PCDHGA10: variants seen among roughly 807,000 people sequenced by gnomAD.
PCDHGA10 encodes the protein protocadherin gamma subfamily A, 10, also known as protocadherin gamma-A10.
Under a neutral mutation model 59.5 loss-of-function variants are expected in PCDHGA10, and 42 were observed. That is an observed-to-expected ratio of 0.71 (90% CI 0.55 to 0.91). PCDHGA10 has a LOEUF of 0.91. Ranked by LOEUF, PCDHGA10 falls within the 40% of genes least tolerant of loss-of-function variation. The pLI, the probability that PCDHGA10 is intolerant of heterozygous loss-of-function variation, is 0.00. For synonymous variants in PCDHGA10, 511 were observed against 517.2 expected (o/e 0.99, Z 0.16); for missense variants, 1,111 against 1,198.2 (o/e 0.93, Z 1.07).
intron 1 of PCDHGA10, among the ~76,000 whole-genome samples, chr5:141,482,799 C>T (rs933003208): frequency 6.6e-6 from 1 of 152,086 alleles, no homozygotes; most frequent in Non-Finnish European, 1.5e-5. Flanking sequence ...TGGCCGGGTA[C>T]GGTGGCTCAT....
chr5:141,433,220 T>A (rs781745522), intron 1 of PCDHGA10: 2 of 1,509,720 alleles, frequency 1.3e-6, no homozygotes, highest in Non-Finnish European at 1.8e-6. Flanking sequence ...TTTTTTTTTT[T>A]AATTGCTCTG....
In PCDHGA10 at chr5:141,510,976, G is replaced by A. The variant is rs752758180; in HGVS notation, c.2614G>A (p.Gly872Arg). The change falls in exon 4 of 4, where the codon GGG (glycine) becomes AGG (arginine). Residue 872 changes from glycine to arginine, a missense_variant. Gly to Arg is a moderately radical substitution (Grantham distance 125, BLOSUM62 -2). Transcript: ENST00000398610. ...EAADGSSTLG[G>R]GAGTMGLSAR... ...TGCTGATGGGAGCTCCACCCTGGGA[G>A]GGGGTGCCGGCACCATGGGATTGAG... The A allele has an allele frequency of 5.0e-6, 8 of 1,614,046 alleles. No individual in the cohort carries two copies. The highest frequency in any genetic ancestry group is 6.8e-6 in the Non-Finnish European group (8 of 1,180,022).
At chr5:141,506,863 G>A (rs1162975959) in intron 3 of PCDHGA10, among the ~76,000 whole-genome samples, 1 of 152,120 alleles carries the variant, frequency 6.6e-6, no homozygotes, top group Non-Finnish European at 1.5e-5. Context: ...GAGGACTGGT[G>A]GGTAGAGAAC....
In PCDHGA10 at chr5:141,489,663, C is replaced by T. The variant is rs1183544696; in HGVS notation, c.2437-5144C>T. The T allele has an allele frequency of 1.9e-6, 3 of 1,614,048 alleles. No individual in the cohort carries two copies. The highest frequency in any genetic ancestry group is 2.2e-5 in the South Asian group (2 of 91,094). ...TTGCCACCCCTGAGCGAGAGATGCGCATCTCAGAATCAGCAGCATCTGGGG... is the reference window on the plus strand; with the variant it reads ...TTGCCACCCCTGAGCGAGAGATGCGTATCTCAGAATCAGCAGCATCTGGGG... On this transcript the variant is annotated intron_variant, in intron 1 of 3. Coordinates refer to ENST00000398610, the MANE Select transcript of PCDHGA10 (RefSeq NM_018913.3). This position sits in a 1 kb window ranked among gnomAD's most constrained non-coding sequence, Gnocchi z 4.5.
intron 1 of PCDHGA10, chr5:141,421,424 G>A: frequency 6.2e-7 from 1 of 1,614,092 alleles, no homozygotes. Context: ...CGCGGAGTCC[G>A]CATCGTCTCC....
chr5:141,462,393 C>A (rs1465154354), intron 1 of PCDHGA10, among the ~76,000 whole-genome samples: 4 of 152,062 alleles, frequency 2.6e-5, no homozygotes, highest in African/African-American at 9.7e-5. Flanking sequence ...GTTAACATTT[C>A]TTTTATGGCA....
intron 2 of PCDHGA10, among the ~76,000 whole-genome samples, chr5:141,503,518 G>A (rs576791899): frequency 6.7e-6 from 1 of 149,524 alleles, no homozygotes; most frequent in East Asian, 2.0e-4. Flanking sequence ...AGAATCACTT[G>A]AACCTGGGAG....
At chr5:141,429,387 T>TTA (rs775632416) in intron 1 of PCDHGA10, among the ~76,000 whole-genome samples, 40 of 151,448 alleles carry the variant, frequency 2.6e-4, no homozygotes, top group African/African-American at 7.0e-4. Context: ...GTTTTTTTTT[T>TTA]AAAAAAAATT....
chr5:141,484,715 G>A (rs576646182), intron 1 of PCDHGA10, among the ~76,000 whole-genome samples: 1 of 152,130 alleles, frequency 6.6e-6, no homozygotes, highest in African/African-American at 2.4e-5. Context: ...CCGCCGAAAA[G>A]GGGCGGGGTC....
At chr5:141,498,964 G>A (rs1342764380) in intron 2 of PCDHGA10, among the ~76,000 whole-genome samples, 2 of 127,572 alleles carry the variant, frequency 1.6e-5, no homozygotes, top group Admixed American at 8.7e-5. Context: ...AGAGAGGGAG[G>A]GAGGGAGGGA....
At chr5:141,507,432 C>T (rs2099860585) in intron 3 of PCDHGA10, 1 of 152,198 alleles carries the variant, frequency 6.6e-6, no homozygotes. Flanking sequence ...GGGGCCAGGC[C>T]TACAGCTGAC....
chr5:141,433,850 A>C (rs899643386), intron 1 of PCDHGA10, among the ~76,000 whole-genome samples: 2 of 151,896 alleles, frequency 1.3e-5, no homozygotes, highest in East Asian at 3.9e-4. Flanking sequence ...AAAAAAAAAA[A>C]AAAAACTTTA....
At position 141,485,120 on chromosome 5, in the gene PCDHGA10, G is replaced by A. The variant is rs2099607447; in HGVS notation, c.2437-9687G>A. On this transcript the variant is annotated intron_variant, in intron 1 of 3. Coordinates refer to ENST00000398610, the MANE Select transcript of PCDHGA10 (RefSeq NM_018913.3). The surrounding 1 kb of genome is among the most constrained non-coding windows in gnomAD (Gnocchi z 5.7). ...TCCAGCTGCTGTGGCTGTTTGGGGC[G>A]GGTCGGCTTCATCCGCGTCTCAGGA... The A allele has an allele frequency of 1.5e-6, 2 of 1,348,050 alleles. No homozygotes were observed. Among genetic ancestry groups the A allele is most frequent in the Non-Finnish European group, 2.1e-6 (2 of 952,710 alleles). 83.5% of individuals were successfully genotyped at this position (1,348,050 alleles called of 1,614,324 possible).
rs1423427104 is a variant in PCDHGA10, at chr5:141,417,737, C to T, written c.2436+2126C>T. 5 of 1,407,068 alleles carry T rather than the reference C, an allele frequency of 3.6e-6. No homozygotes were observed. In the African/African-American group the frequency reaches 7.2e-5, roughly 20 times the overall value. 87.2% of individuals were successfully genotyped at this position (1,407,068 alleles called of 1,614,324 possible). ...CCGGCTGCGCAGACCTTGCCCAGCA[C>T]ACCAGATTGCCAGCTCCGAGACCCG... is the stretch of plus-strand genomic sequence containing the variant. On this transcript the variant is annotated intron_variant, in intron 1 of 3. Transcript: ENST00000398610.
intron 1 of PCDHGA10, among the ~76,000 whole-genome samples, chr5:141,463,684 G>C (rs2099066814): frequency 6.6e-6 from 1 of 151,910 alleles, no homozygotes; most frequent in African/African-American, 2.4e-5. Flanking sequence ...ATGACCTCGT[G>C]ATCTGCTCAC....
Position 141,486,998 on chromosome 5 carries a change from C to T in PCDHGA10, c.2437-7809C>T. 1.2e-6 allele frequency: 2 copies of T among 1,614,206 alleles called. No individual in the cohort carries two copies. Among genetic ancestry groups the T allele is most frequent in the Non-Finnish European group, 1.7e-6 (2 of 1,180,034 alleles). On this transcript the variant is annotated intron_variant, in intron 1 of 3. Transcript: ENST00000398610. The surrounding 1 kb of genome is among the most constrained non-coding windows in gnomAD (Gnocchi z 5.0). The stretch of plus-strand genomic sequence containing the variant: ...AGGTTACAATGCTTGGGTTTCCTAT[C>T]AGCTCCTGGAGGCCCCAGATCCCAG...
intron 2 of PCDHGA10, among the ~76,000 whole-genome samples, chr5:141,500,906 G>C (rs1333707004): frequency 6.7e-6 from 1 of 149,672 alleles, no homozygotes; most frequent in African/African-American, 2.5e-5. Flanking sequence ...GTCTCGCTCT[G>C]TCTCCAGGCT....
intron 1 of PCDHGA10, chr5:141,478,613 G>T: frequency 6.4e-7 from 1 of 1,557,312 alleles, no homozygotes; most frequent in African/African-American, 1.4e-5. Flanking sequence ...ATTGAGGAAG[G>T]AATGGAGCTG....
chr5:141,454,796 A>ATTTTTCT (rs2098799790), intron 1 of PCDHGA10, among the ~76,000 whole-genome samples: 1 of 77,408 alleles, frequency 1.3e-5, no homozygotes, highest in African/African-American at 5.9e-5. Context: ...CATGGTTCTA[A>ATTTTTCT]TTTTTTTTTT....
Sources: allele counts gnomAD v4.1 joint callset (sites outside exome capture counted in the v4.1 genomes callset), GRCh38; gene constraint gnomAD v4.1.1; non-coding constraint Gnocchi (gnomAD v3.1); transcripts MANE v1.5; gene names NCBI Gene and HGNC (gene_info 2026-07-23, HGNC 2026-07-21).